LRRC7: variants seen among roughly 807,000 people sequenced by gnomAD.
The protein encoded by LRRC7 is leucine-rich repeat-containing protein 7.
A neutral mutation model predicts 175.7 loss-of-function variants in LRRC7; 23 were observed. That is an observed-to-expected ratio of 0.13 (90% CI 0.09 to 0.19). The LOEUF is 0.19. LRRC7 is among the 10% of genes least tolerant of loss of function. The pLI is 1.00. For missense variants in LRRC7, 1,354 were observed against 1,904.7 expected (o/e 0.71, Z 5.38); for synonymous variants, 685 against 680.9 (o/e 1.01, Z -0.09).
rs1207013981 is a variant in LRRC7 at position 70,039,701 on chromosome 1, ACTC to A, written c.3880_3882del (p.Pro1294del). On this transcript the variant is annotated inframe_deletion, in exon 21 of 27. Coordinates refer to ENST00000651989, the MANE Select transcript of LRRC7 (RefSeq NM_001370785.2). ...TAACAGTGATTTAAAGACGAGGCCT[ACTC>A]CTGTGAAGGGAGAGGAGAGCTGTGG... The A allele has an allele frequency of 2.5e-6, 4 of 1,613,882 alleles. No individual in the cohort carries two copies. The highest frequency in any genetic ancestry group is 3.4e-6 in the Non-Finnish European group (4 of 1,179,974).
At chr1:69,684,651 T>C (rs752280827) in intron 2 of LRRC7, among the ~76,000 whole-genome samples, 3 of 152,178 alleles carry the variant, frequency 2.0e-5, no homozygotes, top group Admixed American at 6.5e-5. Flanking sequence ...CATCATGGTA[T>C]GCTTCTTGCA....
Position 70,039,350 on chromosome 1 carries a change from C to T in LRRC7, c.3526C>T (p.Pro1176Ser). ...AAGGGTCAATGAGCCTCATGAGCTG[C>T]CCCCAACTGATAGGTACGGCAGACC... ...FRRVNEPHEL[P>S]PTDRYGRPPY... Residue 1176 changes from proline to serine, a missense_variant, in exon 21 of 27, where the codon CCC (proline) becomes TCC (serine). Physicochemically the swap from Pro to Ser is moderately conservative, Grantham distance 74. This residue lies in a region of LRRC7 where 1,032 missense variants were observed against 1,227.2 expected (regional missense o/e 0.84). Coordinates refer to ENST00000651989, the MANE Select transcript of LRRC7 (RefSeq NM_001370785.2). The T allele has an allele frequency of 1.9e-6, 3 of 1,613,992 alleles. No homozygotes were observed. The highest frequency in any genetic ancestry group is 1.7e-6 in the Non-Finnish European group (2 of 1,180,014).
chr1:70,116,489 G>A (rs1306931709), intron 26 of LRRC7, among the ~76,000 whole-genome samples: 1 of 148,236 alleles, frequency 6.7e-6, no homozygotes, highest in East Asian at 2.0e-4. Context: ...AGAGCTTGCA[G>A]TGAGCCAAGA....
At chr1:69,580,987 A>C (rs2100916864) in intron 1 of LRRC7, among the ~76,000 whole-genome samples, 1 of 152,280 alleles carries the variant, frequency 6.6e-6, no homozygotes, top group South Asian at 2.1e-4. Flanking sequence ...GCAAATGCAA[A>C]AACTTTAAAT....
At chr1:69,938,143 C>T (rs1265967974) in intron 8 of LRRC7, among the ~76,000 whole-genome samples, 2 of 151,882 alleles carry the variant, frequency 1.3e-5, no homozygotes, top group Non-Finnish European at 2.9e-5. Context: ...ATTTTTTAAA[C>T]ACAGTGTAAA....
In LRRC7 at chr1:69,830,415, A is replaced by T. The variant is rs950605057; in HGVS notation, c.501-4365A>T. Among the ~76,000 whole-genome samples, 3 of 151,812 alleles carry T rather than the reference A, an allele frequency of 2.0e-5. No individual in the cohort carries two copies. The East Asian group carries it at 5.8e-4, about 29-fold the overall frequency. ...ATTATAAATTCTTTGAATATCTTTG[A>T]ATATCTTTTCTGGCAGACTCACTGA... On this transcript the variant is annotated intron_variant, in intron 5 of 26. Coordinates refer to ENST00000651989, the MANE Select transcript of LRRC7 (RefSeq NM_001370785.2).
At chr1:69,919,383 T>G (rs1483720124) in intron 7 of LRRC7, 1 of 626,074 alleles carries the variant, frequency 1.6e-6, no homozygotes, top group African/African-American at 1.8e-5. Flanking sequence ...AACTGCCGCC[T>G]GGCTGGGAAA....
chr1:69,723,112 T>G (rs1404437645), intron 2 of LRRC7, among the ~76,000 whole-genome samples: 1 of 152,150 alleles, frequency 6.6e-6, no homozygotes, highest in African/African-American at 2.4e-5. Flanking sequence ...TAATTTCTAT[T>G]GGTATTTAAT....
intron 2 of LRRC7, among the ~76,000 whole-genome samples, chr1:69,699,902 T>C (rs977131926): frequency 6.6e-6 from 1 of 152,214 alleles, no homozygotes; most frequent in Non-Finnish European, 1.5e-5. Flanking sequence ...TGTTTTCAAC[T>C]GCAGGGAATT....
chr1:69,843,052 A>G (rs1570275419), intron 7 of LRRC7, among the ~76,000 whole-genome samples: 1 of 152,004 alleles, frequency 6.6e-6, no homozygotes, highest in Non-Finnish European at 1.5e-5. Context: ...TACAAAAAGT[A>G]GCTAGGCATG....
chr1:69,982,245 A>C (rs941898593), intron 9 of LRRC7, among the ~76,000 whole-genome samples: 2 of 152,198 alleles, frequency 1.3e-5, no homozygotes, highest in African/African-American at 4.8e-5. Context: ...ATGTACTGCT[A>C]GCTTTATATA....
At chr1:69,909,506 A>AT (rs960946231) in intron 7 of LRRC7, among the ~76,000 whole-genome samples, 1 of 151,734 alleles carries the variant, frequency 6.6e-6, no homozygotes, top group African/African-American at 2.4e-5. Flanking sequence ...TCTGTAAAGT[A>AT]TTTTTTTTCT....
chr1:70,070,754 TG>T (rs1662320595), intron 23 of LRRC7, among the ~76,000 whole-genome samples: 1 of 152,060 alleles, frequency 6.6e-6, no homozygotes, highest in Admixed American at 6.6e-5. Flanking sequence ...CTCCACTTGG[TG>T]GGGGTAGCAT....
intron 1 of LRRC7, among the ~76,000 whole-genome samples, chr1:69,613,411 G>A (rs1294224306): frequency 6.6e-6 from 1 of 151,928 alleles, no homozygotes; most frequent in African/African-American, 2.4e-5. Flanking sequence ...TACATTGGGG[G>A]TGAGGATTTC....
intron 2 of LRRC7, among the ~76,000 whole-genome samples, chr1:69,721,358 C>T (rs1044349145): frequency 2.6e-5 from 4 of 151,840 alleles, no homozygotes; most frequent in Non-Finnish European, 4.4e-5. Flanking sequence ...TGCCCTAAAA[C>T]TCCTCTGTGC....
chr1:70,023,933 T>C (rs1304396275), intron 17 of LRRC7, among the ~76,000 whole-genome samples: 1 of 151,944 alleles, frequency 6.6e-6, no homozygotes, highest in African/African-American at 2.4e-5. Context: ...AATTGGGAGT[T>C]GTGGCAAATA....
intron 8 of LRRC7, among the ~76,000 whole-genome samples, chr1:69,965,573 AT>A (rs1292320916): frequency 6.6e-6 from 1 of 152,020 alleles, no homozygotes; most frequent in Non-Finnish European, 1.5e-5. Flanking sequence ...AATATAAAAA[AT>A]TTTTTTCCAA....
intron 7 of LRRC7, among the ~76,000 whole-genome samples, chr1:69,852,533 C>A (rs1027564900): frequency 6.6e-6 from 1 of 152,106 alleles, no homozygotes; most frequent in African/African-American, 2.4e-5. Context: ...ACTTGCATAC[C>A]TATAGCCATT....
At chr1:69,569,684 G>C (rs551790146) in intron 1 of LRRC7, among the ~76,000 whole-genome samples, 4 of 151,890 alleles carry the variant, frequency 2.6e-5, no homozygotes, top group East Asian at 3.9e-4. Context: ...ACTACTTCTC[G>C]GCCATCAGGG....
Sources: gnomAD v4.1 joint callset for allele counts (sites outside exome capture counted in the v4.1 genomes callset) on GRCh38, gnomAD v4.1.1 for gene constraint, gnomAD v4.1.1 regional missense constraint, MANE v1.5 for transcripts, NCBI Gene and HGNC (gene_info 2026-07-23, HGNC 2026-07-21) for gene names.